The following ROBO2 variants were observed in gnomAD, a reference collection of about 807,000 sequenced individuals.
ROBO2 encodes the protein roundabout homolog 2.
Under a neutral mutation model 160.8 loss-of-function variants are expected in ROBO2, and 53 were observed. The observed-to-expected ratio is 0.33, with a 90% CI of 0.26 to 0.41. The LOEUF is 0.41. ROBO2 is among the 10% of genes least tolerant of loss of function. The pLI, the probability that ROBO2 is intolerant of heterozygous loss-of-function variation, is 1.00. For missense variants in ROBO2, 1,577 were observed against 1,722.4 expected (o/e 0.92, Z 1.49); for synonymous variants, 664 against 611.7 (o/e 1.09, Z -1.26).
chr3:76,737,196 G>T (rs976519406), intron 2 of ROBO2, among the ~76,000 whole-genome samples: 6 of 151,930 alleles, frequency 3.9e-5, no homozygotes, highest in Admixed American at 1.3e-4. Context: ...TAAAACTTTT[G>T]TATGAAGTTT....
intron 2 of ROBO2, among the ~76,000 whole-genome samples, chr3:76,212,385 A>G (rs1006656601): frequency 1.3e-5 from 2 of 151,974 alleles, no homozygotes; most frequent in Non-Finnish European, 2.9e-5. Flanking sequence ...TAAAAGAGGG[A>G]CAGGGCCCGA....
intron 2 of ROBO2, among the ~76,000 whole-genome samples, chr3:76,553,333 G>A (rs1258609411): frequency 6.6e-6 from 1 of 152,146 alleles, no homozygotes; most frequent in African/African-American, 2.4e-5. Flanking sequence ...GGGAAGCTAA[G>A]GGAAGATGAC....
At chr3:76,978,143 A>T (rs958570441) in intron 2 of ROBO2, among the ~76,000 whole-genome samples, 2 of 152,202 alleles carry the variant, frequency 1.3e-5, no homozygotes, top group South Asian at 2.1e-4. Flanking sequence ...AAGGACACTT[A>T]GTAAAGCAAT....
intron 2 of ROBO2, among the ~76,000 whole-genome samples, chr3:76,656,348 C>T (rs116472519): frequency 0.017 from 2,642 of 152,054 alleles, 88 homozygotes; most frequent in African/African-American, 0.058. Flanking sequence ...TCCTTCGTTC[C>T]CTGTAATGCC....
At chr3:76,479,248 G>A (rs991085265) in intron 2 of ROBO2, among the ~76,000 whole-genome samples, 8 of 152,102 alleles carry the variant, frequency 5.3e-5, no homozygotes, top group Non-Finnish European at 8.8e-5. Context: ...ATTCTATAAC[G>A]TTACAAAATG....
chr3:76,200,503 G>A (rs1702470236), intron 2 of ROBO2, among the ~76,000 whole-genome samples: 1 of 152,168 alleles, frequency 6.6e-6, no homozygotes, highest in Admixed American at 6.6e-5. Context: ...GGCATATTTG[G>A]GAGTGACATA....
At chr3:77,289,479 G>A (rs150089372) in intron 2 of ROBO2, among the ~76,000 whole-genome samples, 1 of 149,294 alleles carries the variant, frequency 6.7e-6, no homozygotes, top group African/African-American at 2.5e-5. Context: ...TGAGGCTAGA[G>A]CACTAAAGAT....
chr3:76,000,601 G>A (rs2065858151), intron 2 of ROBO2, among the ~76,000 whole-genome samples: 1 of 149,636 alleles, frequency 6.7e-6, no homozygotes, highest in Non-Finnish European at 1.5e-5. Flanking sequence ...CCATTCTCCT[G>A]CCTCAGCCTC....
At chr3:77,176,642 A>C (rs1228237344) in intron 2 of ROBO2, among the ~76,000 whole-genome samples, 3 of 151,986 alleles carry the variant, frequency 2.0e-5, no homozygotes, top group Non-Finnish European at 4.4e-5. Context: ...AAACTTGTGG[A>C]TCTCACTAGA....
chr3:77,284,389 C>T (rs955867192), intron 2 of ROBO2, among the ~76,000 whole-genome samples: 3 of 152,052 alleles, frequency 2.0e-5, no homozygotes, highest in Non-Finnish European at 4.4e-5. Context: ...GATGTCCCTG[C>T]GTGTGGTAAT....
intron 2 of ROBO2, among the ~76,000 whole-genome samples, chr3:77,122,620 C>T (rs1362899535): frequency 6.6e-6 from 1 of 152,122 alleles, no homozygotes; most frequent in Non-Finnish European, 1.5e-5. Context: ...AGAGAATGGC[C>T]ACTTAAAAGG....
intron 2 of ROBO2, among the ~76,000 whole-genome samples, chr3:76,017,379 G>C (rs1057514350): frequency 6.6e-6 from 1 of 152,056 alleles, no homozygotes; most frequent in Non-Finnish European, 1.5e-5. Context: ...TCAAGGATTG[G>C]TCCTGCTTTA....
chr3:76,095,214 T>G (rs1040955329), intron 2 of ROBO2, among the ~76,000 whole-genome samples: 1 of 152,084 alleles, frequency 6.6e-6, no homozygotes, highest in Middle Eastern at 3.4e-3. Context: ...GTTGCTGATA[T>G]CAGAACACAT....
chr3:76,272,919 T>A (rs1195252943), intron 2 of ROBO2, among the ~76,000 whole-genome samples: 2 of 21,558 alleles, frequency 9.3e-5, no homozygotes, highest in Admixed American at 6.1e-4. Context: ...ATATATAAAA[T>A]ATATATATTT....
At chr3:77,081,872 T>A (rs1559967033) in intron 1 of ROBO2, among the ~76,000 whole-genome samples, 1 of 152,168 alleles carries the variant, frequency 6.6e-6, no homozygotes, top group East Asian at 1.9e-4. Flanking sequence ...GTTTTGGTAA[T>A]CACTCTTAAT....
At chr3:76,137,103 G>A (rs1407820569) in intron 2 of ROBO2, among the ~76,000 whole-genome samples, 2 of 151,842 alleles carry the variant, frequency 1.3e-5, no homozygotes, top group Non-Finnish European at 2.9e-5. Flanking sequence ...CACAGTTCTG[G>A]AGGTCAGAAG....
chr3:77,358,281 G>A (rs1250355636), intron 2 of ROBO2, among the ~76,000 whole-genome samples: 4 of 152,120 alleles, frequency 2.6e-5, no homozygotes, highest in African/African-American at 4.8e-5. Flanking sequence ...TCAACTTGCC[G>A]GGGTTAGAAC....
At chr3:77,127,983 G>C (rs544734669) in intron 2 of ROBO2, among the ~76,000 whole-genome samples, 2 of 152,120 alleles carry the variant, frequency 1.3e-5, no homozygotes, top group South Asian at 4.1e-4. Context: ...ACAGTTTTTC[G>C]CCTATAATGT....
At chr3:77,232,282 A>C (rs555835638) in intron 2 of ROBO2, among the ~76,000 whole-genome samples, 1 of 152,152 alleles carries the variant, frequency 6.6e-6, no homozygotes, top group African/African-American at 2.4e-5. Flanking sequence ...GGCCAGGGAG[A>C]GCTATTTAGC....
Sources: allele counts gnomAD v4.1 joint callset (sites outside exome capture counted in the v4.1 genomes callset), GRCh38; gene constraint gnomAD v4.1.1; transcripts MANE v1.5; gene names NCBI Gene and HGNC (gene_info 2026-07-23, HGNC 2026-07-21).